BCO1: variants seen among roughly 807,000 people sequenced by gnomAD.
BCO1 encodes beta,beta-carotene 15,15'-dioxygenase.
Under a neutral mutation model 56.3 loss-of-function variants are expected in BCO1, and 54 were observed. The observed-to-expected ratio is 0.96, with a 90% confidence interval of 0.77 to 1.20. The LOEUF (loss-of-function observed/expected upper bound fraction) is 1.20. BCO1 is among the 50% of genes most tolerant of loss of function. The probability of loss-of-function intolerance (pLI) is 0.00; values close to 1 mark genes in which losing one functional copy is unlikely to be tolerated. For missense variants in BCO1, 801 were observed against 690.9 expected (o/e 1.16, Z -1.79); for synonymous variants, 318 against 266.1 (o/e 1.20, Z -1.90).
At chr16:81,282,014 T>C (rs529507171) in intron 8 of BCO1, among the ~76,000 whole-genome samples, 2 of 152,332 alleles carry the variant, frequency 1.3e-5, no homozygotes, top group Admixed American at 1.3e-4. Flanking sequence ...CTGTGTTCCA[T>C]ACGCCAAAGT....
rs1906712023 is a variant in BCO1, at chr16:81,264,831, G to T, written c.619+44G>T. ...TTGAATAAAACACAAACAACCAAGT[G>T]TGGCTTCTTCTGAAGAGTTCTGTTT... On this transcript the variant is annotated intron_variant, in intron 5 of 10. Transcript: ENST00000258168. The T allele has an allele frequency of 1.9e-6, 3 of 1,609,622 alleles. No homozygotes were observed. In the African/African-American group the frequency reaches 4.0e-5, roughly 22 times the overall value.
Position 81,264,632 on chromosome 16 carries a change from T to A in BCO1, c.472-8T>A, listed in dbSNP as rs1300906134. 1 of 1,613,820 alleles carries A rather than the reference T, an allele frequency of 6.2e-7. No individual in the cohort carries two copies. Among genetic ancestry groups the A allele is most frequent in the Non-Finnish European group, 8.5e-7 (1 of 1,179,782 alleles). ...ACTTTAAAAAACAGGAGGTGTCATATCTTGCAGGTTGATTATCGTAAATAC... is the reference window on the plus strand; with the variant it reads ...ACTTTAAAAAACAGGAGGTGTCATAACTTGCAGGTTGATTATCGTAAATAC... On this transcript the variant is annotated splice_polypyrimidine_tract_variant and splice_region_variant and intron_variant, in intron 4 of 10. Transcript: ENST00000258168.
intron 8 of BCO1, among the ~76,000 whole-genome samples, chr16:81,283,149 T>C (rs1907978117): frequency 6.6e-6 from 1 of 152,156 alleles, no homozygotes; most frequent in South Asian, 2.1e-4. Context: ...CGAAGCTGCC[T>C]CTTGCACTTA....
At chr16:81,287,447 T>A (rs746081408) in intron 10 of BCO1, 41 bp downstream of exon 10, 7 of 1,503,530 alleles carry the variant, frequency 4.7e-6, no homozygotes, top group Admixed American at 1.7e-5. Context: ...TGCACGTTAC[T>A]GCAGATCGCC....
intron 7 of BCO1, among the ~76,000 whole-genome samples, chr16:81,276,144 C>G (rs952958166): frequency 6.6e-6 from 1 of 152,234 alleles, no homozygotes; most frequent in Non-Finnish European, 1.5e-5. Context: ...AAGAGAAGCA[C>G]CATTCATGGA....
chr16:81,250,851 G>A (rs2151929941), intron 2 of BCO1, among the ~76,000 whole-genome samples: 1 of 152,254 alleles, frequency 6.6e-6, no homozygotes, highest in East Asian at 1.9e-4. Context: ...AAAGTGCTGG[G>A]ATGACAAGTG....
At chr16:81,288,357 G>A (rs1455842576) in intron 10 of BCO1, among the ~76,000 whole-genome samples, 4 of 152,118 alleles carry the variant, frequency 2.6e-5, no homozygotes, top group Non-Finnish European at 5.9e-5. Flanking sequence ...CAAACTCCTG[G>A]GCTCAAGTGA....
rs368171040 is a variant in BCO1 at position 81,259,716 on chromosome 16, C to G, written c.234C>G (p.Thr78=). 1 of 1,614,178 alleles carries G rather than the reference C, an allele frequency of 6.2e-7. No individual in the cohort carries two copies. The highest frequency in any genetic ancestry group is 1.1e-5 in the South Asian group (1 of 91,082). The change falls in exon 3 of 11, where the codon ACC becomes ACG. Residue 78 remains threonine (T), a synonymous_variant. Coordinates refer to ENST00000258168, the MANE Select transcript of BCO1 (RefSeq NM_017429.3). ...GGAGCAAATACCTGAGAAGCGATAC[C>G]TACAACACCAATATTGAGGCAAACA... ...YYRSKYLRSD[T]YNTNIEANRI... is the part of the protein sequence containing the mutation.
intron 2 of BCO1, among the ~76,000 whole-genome samples, chr16:81,252,493 T>C (rs1032408092): frequency 6.6e-6 from 1 of 152,116 alleles, no homozygotes; most frequent in African/African-American, 2.4e-5. Flanking sequence ...TGACCTCAGG[T>C]GATCCACCTG....
At chr16:81,241,888 G>T (rs746001935) in intron 1 of BCO1, among the ~76,000 whole-genome samples, 1 of 152,184 alleles carries the variant, frequency 6.6e-6, no homozygotes, top group East Asian at 1.9e-4. Flanking sequence ...GCCGACACAC[G>T]TGTGTTCTGA....
chr16:81,264,486 A>C (rs1906684935), intron 4 of BCO1, among the ~76,000 whole-genome samples, 154 bp from the exon 5 acceptor site: 1 of 152,244 alleles, frequency 6.6e-6, no homozygotes, highest in Non-Finnish European at 1.5e-5. Flanking sequence ...TCAGATCAAC[A>C]GAGTGCAAAA....
At chr16:81,243,613 C>T (rs1012208472) in intron 1 of BCO1, among the ~76,000 whole-genome samples, 1 of 152,156 alleles carries the variant, frequency 6.6e-6, no homozygotes, top group Admixed American at 6.6e-5. Flanking sequence ...GGATTACAGG[C>T]ACCCGTCATC....
At chr16:81,239,171 C>G (rs1905002994) in intron 1 of BCO1, among the ~76,000 whole-genome samples, 199 bp downstream of exon 1, 1 of 151,828 alleles carries the variant, frequency 6.6e-6, no homozygotes, top group South Asian at 2.1e-4. Flanking sequence ...CACCCACCAC[C>G]AAGCCCGGCT....
chr16:81,275,835 G>C (rs1907519999), intron 7 of BCO1, among the ~76,000 whole-genome samples: 1 of 152,246 alleles, frequency 6.6e-6, no homozygotes, highest in African/African-American at 2.4e-5. Flanking sequence ...AAGGAAGGCA[G>C]GGCTGGCAGG....
intron 5 of BCO1, among the ~76,000 whole-genome samples, chr16:81,265,564 T>A (rs2151939083): frequency 7.8e-6 from 1 of 128,434 alleles, no homozygotes; most frequent in Admixed American, 8.4e-5. Context: ...CATCCATCCA[T>A]CCATTGAGCT....
rs1031676947 is a variant in BCO1, at chr16:81,264,621, G to T, written c.472-19G>T. ...TTATCGTAAATACTTTAAAAAACAGGAGGTGTCATATCTTGCAGGTTGATT... is the reference window on the plus strand; with the variant it reads ...TTATCGTAAATACTTTAAAAAACAGTAGGTGTCATATCTTGCAGGTTGATT... On this transcript the variant is annotated intron_variant, in intron 4 of 10. Transcript: ENST00000258168. 1.2e-6 allele frequency: 2 copies of T among 1,613,132 alleles called. No homozygotes were observed. The highest frequency in any genetic ancestry group is 8.5e-7 in the Non-Finnish European group (1 of 1,179,232).
intron 2 of BCO1, among the ~76,000 whole-genome samples, chr16:81,257,258 G>C (rs1906196737): frequency 6.6e-6 from 1 of 151,954 alleles, no homozygotes; most frequent in Non-Finnish European, 1.5e-5. Context: ...TGTTGTTGTT[G>C]CGTTTTTTTG....
At chr16:81,287,513 G>A (rs1908255697) in intron 10 of BCO1, 107 bp downstream of exon 10, 2 of 846,360 alleles carry the variant, frequency 2.4e-6, no homozygotes, top group South Asian at 1.4e-5. Flanking sequence ...TAAAGGGGGT[G>A]GATTGGTGCT....
intron 6 of BCO1, among the ~76,000 whole-genome samples, chr16:81,268,782 G>T (rs189273045): frequency 1.9e-3 from 285 of 151,910 alleles, no homozygotes; most frequent in African/African-American, 6.6e-3. Flanking sequence ...TTTTTATTGT[G>T]GGGGGGTTGT....
Sources: allele counts gnomAD v4.1 joint callset (sites outside exome capture counted in the v4.1 genomes callset), GRCh38; gene constraint gnomAD v4.1.1; transcripts MANE v1.5; gene names NCBI Gene and HGNC (gene_info 2026-07-23, HGNC 2026-07-21).